The following TANGO6 variants were observed in gnomAD, a reference collection of about 807,000 sequenced individuals.
The protein encoded by TANGO6 is transport and golgi organization 6 homolog.
In TANGO6, 90 loss-of-function variants were observed where a neutral mutation model predicts 114.2. The observed-to-expected ratio is 0.79, with a 90% CI of 0.66 to 0.94. The LOEUF is 0.94. TANGO6 is among the 40% of genes least tolerant of loss of function. The pLI, the probability that TANGO6 is intolerant of heterozygous loss-of-function variation, is 0.00. For synonymous variants in TANGO6, 477 were observed against 509.8 expected (o/e 0.94, Z 0.87); for missense variants, 1,274 against 1,315.3 (o/e 0.97, Z 0.49).
chr16:68,921,143 T>C (rs1963086968), intron 12 of TANGO6, among the ~76,000 whole-genome samples: 1 of 144,872 alleles, frequency 6.9e-6, no homozygotes, highest in Non-Finnish European at 1.5e-5. Context: ...AAAAAAGAAC[T>C]ATCAAGGAAA....
rs1331478957 is a variant in TANGO6, at chr16:69,040,403, C to T, written c.3090C>T (p.Leu1030=). 1.9e-6 allele frequency: 3 copies of T among 1,603,984 alleles called. No individual in the cohort carries two copies. The highest frequency in any genetic ancestry group is 1.7e-6 in the Non-Finnish European group (2 of 1,175,394). The part of the protein sequence containing the change: ...IHVVVLLLRG[L]SQKATEVLSA... ...TGGTTGTGCTGCTGCTTCGGGGACT[C>T]AGCCAGAAAGCTACTGAGGTCAGTC... Residue 1030 remains leucine, a synonymous_variant, in exon 17 of 18, where the codon CTC becomes CTT. Transcript: ENST00000261778.
At chr16:68,940,271 C>T (rs1318407705) in intron 14 of TANGO6, among the ~76,000 whole-genome samples, 1 of 151,378 alleles carries the variant, frequency 6.6e-6, no homozygotes, top group African/African-American at 2.4e-5. Flanking sequence ...AGGCTGGTCT[C>T]AAACTCCTGG....
intron 1 of TANGO6, among the ~76,000 whole-genome samples, chr16:68,848,651 C>T (rs1360212509): frequency 1.3e-5 from 2 of 151,864 alleles, no homozygotes; most frequent in African/African-American, 2.4e-5. Context: ...CATATAAACA[C>T]GAATATATTT....
At chr16:69,052,273 T>TC (rs1959963054) in intron 17 of TANGO6, among the ~76,000 whole-genome samples, 1 of 148,584 alleles carries the variant, frequency 6.7e-6, no homozygotes, top group African/African-American at 2.5e-5. Context: ...TCTTTTCTTT[T>TC]TTTTTTTTTT....
chr16:68,993,807 AT>A (rs932634771), intron 15 of TANGO6, among the ~76,000 whole-genome samples: 4 of 152,098 alleles, frequency 2.6e-5, no homozygotes, highest in Admixed American at 2.6e-4. Context: ...AATATCTAGG[AT>A]TTTTTTCTTC....
At chr16:68,880,513 C>G (rs932428770) in intron 6 of TANGO6, 35 bp from the exon 7 acceptor site, 1 of 1,566,942 alleles carries the variant, frequency 6.4e-7, no homozygotes, top group African/African-American at 1.4e-5. Flanking sequence ...CAGTGAGGCA[C>G]TAAATATGGG....
chr16:68,995,020 C>G (rs1963979316), intron 15 of TANGO6, among the ~76,000 whole-genome samples: 1 of 152,330 alleles, frequency 6.6e-6, no homozygotes, highest in African/African-American at 2.4e-5. Flanking sequence ...CTCTTTAAAA[C>G]ATTCTTGGTA....
At chr16:68,972,902 A>T (rs1192820208) in intron 14 of TANGO6, 1 of 277,122 alleles carries the variant, frequency 3.6e-6, no homozygotes, top group Admixed American at 4.6e-5. Flanking sequence ...GCAGATGCAG[A>T]GGGGAAGTGA....
At chr16:68,967,506 C>A (rs1407837723) in intron 14 of TANGO6, among the ~76,000 whole-genome samples, 1 of 152,158 alleles carries the variant, frequency 6.6e-6, no homozygotes, top group Non-Finnish European at 1.5e-5. Context: ...TGTTATCACC[C>A]CAGAAAGAAA....
intron 1 of TANGO6, among the ~76,000 whole-genome samples, chr16:68,847,662 T>C (rs746975321): frequency 4.6e-5 from 7 of 152,138 alleles, no homozygotes; most frequent in Non-Finnish European, 7.4e-5. Context: ...AGGAACCAGA[T>C]ATTCATGCCA....
intron 7 of TANGO6, among the ~76,000 whole-genome samples, chr16:68,882,053 A>G (rs1962468600): frequency 6.6e-6 from 1 of 152,224 alleles, no homozygotes; most frequent in Admixed American, 6.5e-5. Context: ...ACACTTTTAC[A>G]TTAGAAAACA....
chr16:69,050,248 C>T (rs1959926192), intron 17 of TANGO6, among the ~76,000 whole-genome samples: 2 of 152,086 alleles, frequency 1.3e-5, no homozygotes, highest in Admixed American at 1.3e-4. Context: ...TGTTATTGTC[C>T]ATCATACATT....
chr16:69,047,844 GA>G (rs1313989208), intron 17 of TANGO6, among the ~76,000 whole-genome samples: 2 of 151,990 alleles, frequency 1.3e-5, no homozygotes, highest in South Asian at 2.1e-4. Flanking sequence ...ATTTTATATT[GA>G]AACTCTTTCC....
At chr16:68,884,069 C>T (rs1259514349) in intron 7 of TANGO6, among the ~76,000 whole-genome samples, 2 of 152,028 alleles carry the variant, frequency 1.3e-5, no homozygotes, top group Admixed American at 6.6e-5. Context: ...ACCACCACGC[C>T]GAGCTAATTT....
At chr16:69,032,482 G>T (rs1026091804) in intron 16 of TANGO6, among the ~76,000 whole-genome samples, 2 of 151,800 alleles carry the variant, frequency 1.3e-5, no homozygotes, top group African/African-American at 4.8e-5. Context: ...TGCTCAGGCT[G>T]GTCTCAAACT....
intron 14 of TANGO6, among the ~76,000 whole-genome samples, chr16:68,968,912 C>T (rs531651756): frequency 1.1e-4 from 16 of 151,832 alleles, no homozygotes; most frequent in South Asian, 4.2e-4. Flanking sequence ...CCTTGTGATC[C>T]GCCCGCCTCG....
intron 17 of TANGO6, among the ~76,000 whole-genome samples, chr16:69,061,318 AC>A (rs1264898458): frequency 6.6e-6 from 1 of 152,170 alleles, no homozygotes; most frequent in African/African-American, 2.4e-5. Flanking sequence ...TAATCCCAGC[AC>A]TTTGGGAGGG....
intron 1 of TANGO6, among the ~76,000 whole-genome samples, chr16:68,853,763 A>C (rs1270242659): frequency 1.3e-5 from 2 of 152,192 alleles, no homozygotes; most frequent in Non-Finnish European, 2.9e-5. Flanking sequence ...CCAACAGTGT[A>C]TGAGAGTTCC....
chr16:68,845,286 G>A (rs543488695), intron 1 of TANGO6, among the ~76,000 whole-genome samples: 27 of 152,092 alleles, frequency 1.8e-4, no homozygotes, highest in Non-Finnish European at 3.7e-4. Flanking sequence ...TCTATTGTAT[G>A]ACTGAGAACA....
Sources: gnomAD v4.1 joint callset for allele counts (sites outside exome capture counted in the v4.1 genomes callset) on GRCh38, gnomAD v4.1.1 for gene constraint, MANE v1.5 for transcripts, NCBI Gene and HGNC (gene_info 2026-07-23, HGNC 2026-07-21) for gene names.